Variants in TRAK1 observed in about 807,000 individuals in gnomAD.
TRAK1 encodes trafficking kinesin-binding protein 1.
A neutral mutation model predicts 92.1 loss-of-function variants in TRAK1; 33 were observed. The ratio of observed to expected loss-of-function variants is 0.36; its 90% CI spans 0.27 to 0.48. The LOEUF is 0.48. TRAK1 is among the 20% of genes least tolerant of loss of function. The pLI, the probability that TRAK1 is intolerant of heterozygous loss-of-function variation, is 0.99. For missense variants in TRAK1, 1,123 were observed against 1,257.9 expected (o/e 0.89, Z 1.62); for synonymous variants, 521 against 517.3 (o/e 1.01, Z -0.10).
rs776965179 is a variant in TRAK1 at position 42,223,049 on chromosome 3, C to T, written c.2174C>T (p.Thr725Ile). 6.2e-7 allele frequency: 1 copy of T among 1,614,134 alleles called. No individual in the cohort carries two copies. The highest frequency in any genetic ancestry group is 1.1e-5 in the South Asian group (1 of 91,088). ...PRRLSLAESF[T>I]NTRESTTTMS... Reference sequence around the variant, plus strand: ...AGACTGAGCCTGGCTGAGTCCTTCACTAACACCCGTGAGTCCACGACCACC... The same window carrying T: ...AGACTGAGCCTGGCTGAGTCCTTCATTAACACCCGTGAGTCCACGACCACC... The change falls in exon 16 of 16, where the codon ACT becomes ATT. Residue 725 changes from threonine (T) to isoleucine (I), a missense_variant. Thr to Ile is a moderately conservative substitution (Grantham distance 89). Transcript: ENST00000327628. The surrounding 1 kb of genome is among the most constrained non-coding windows in gnomAD (Gnocchi z 6.1).
chr3:42,041,018 A>T (rs1427840226), intron 1 of TRAK1, among the ~76,000 whole-genome samples: 1 of 151,498 alleles, frequency 6.6e-6, no homozygotes, highest in African/African-American at 2.4e-5. Context: ...AGGTTTTGAA[A>T]TTAGACAGTG....
At chr3:42,030,690 ATATATATATATATATATATAT>A (rs1702102304) in intron 1 of TRAK1, among the ~76,000 whole-genome samples, 1 of 166 alleles carries the variant, frequency 6.0e-3, no homozygotes, top group African/African-American at 8.9e-3. Context: ...AAAAAAAAGA[ATATATATATATATATATATAT>A]ATATATATAT....
chr3:42,027,523 A>G (rs79907496), intron 1 of TRAK1, among the ~76,000 whole-genome samples: 3 of 144,768 alleles, frequency 2.1e-5, no homozygotes, highest in Admixed American at 6.9e-5. Context: ...ACTCCATCTG[A>G]AAAAAAAAAA....
rs926205173 is a variant in TRAK1 at position 42,180,018 on chromosome 3, A to C, written c.363+3128A>C. ...GGCTCCCAAAGTGTTGGGATTACAG[A>C]CATAAGCTGCCACGCCCAACCTGTT... On this transcript the variant is annotated intron_variant, in intron 3 of 15. Transcript: ENST00000327628. Among the ~76,000 whole-genome samples, 7 of 152,154 alleles carry C rather than the reference A, an allele frequency of 4.6e-5. No individual in the cohort carries two copies. The South Asian group carries it at 1.2e-3, about 27-fold the overall frequency.
chr3:42,110,138 T>C (rs1291929320), intron 1 of TRAK1, among the ~76,000 whole-genome samples: 1 of 99,976 alleles, frequency 1.0e-5, no homozygotes, highest in Non-Finnish European at 2.1e-5. Flanking sequence ...ATATAAACTT[T>C]GTGTGTGTTG....
chr3:42,059,874 T>A (rs1703353679), intron 1 of TRAK1, among the ~76,000 whole-genome samples: 1 of 152,154 alleles, frequency 6.6e-6, no homozygotes, highest in South Asian at 2.1e-4. Context: ...ACTTCACAGA[T>A]CATTGAGGAA....
At chr3:42,080,508 C>T (rs753420290) in intron 1 of TRAK1, among the ~76,000 whole-genome samples, 1 of 152,232 alleles carries the variant, frequency 6.6e-6, no homozygotes, top group Non-Finnish European at 1.5e-5. Flanking sequence ...TCTCTCAGGG[C>T]CATGCCATCC....
At chr3:42,089,672 G>C (rs372812465), upstream of TRAK1, among the ~76,000 whole-genome samples, 1 of 108,500 alleles carries the variant, frequency 9.2e-6, no homozygotes, top group Non-Finnish European at 1.9e-5. Flanking sequence ...GATGCTTTTT[G>C]TGACCCCCCC....
intron 2 of TRAK1, among the ~76,000 whole-genome samples, chr3:42,166,777 C>T (rs1352542861): frequency 6.6e-6 from 1 of 152,170 alleles, no homozygotes; most frequent in Non-Finnish European, 1.5e-5. Context: ...TACTGATAAG[C>T]AATAAAAGGA....
intron 2 of TRAK1, among the ~76,000 whole-genome samples, chr3:42,170,668 G>A (rs1036986818): frequency 6.6e-6 from 1 of 152,100 alleles, no homozygotes; most frequent in East Asian, 1.9e-4. Flanking sequence ...CTGATGCTAA[G>A]GTGTAGAAGA....
intron 1 of TRAK1, among the ~76,000 whole-genome samples, chr3:42,024,598 T>A (rs1157656529): frequency 6.6e-6 from 1 of 152,196 alleles, no homozygotes; most frequent in Non-Finnish European, 1.5e-5. Flanking sequence ...AAGCACCATG[T>A]TTTTGTGTGT....
intron 1 of TRAK1, chr3:42,014,203 G>C (rs1386348789): frequency 6.6e-6 from 1 of 152,384 alleles, no homozygotes; most frequent in African/African-American, 2.4e-5. Context: ...GAGTGTCCGC[G>C]TGAGATAGTG....
At chr3:42,083,508 T>C (rs1704529635), upstream of TRAK1, among the ~76,000 whole-genome samples, 1 of 152,282 alleles carries the variant, frequency 6.6e-6, no homozygotes, top group South Asian at 2.1e-4. Context: ...TCTAAATATC[T>C]GCCAATTGTT....
intron 1 of TRAK1, among the ~76,000 whole-genome samples, chr3:42,081,335 C>G (rs1704428926): frequency 6.6e-6 from 1 of 152,180 alleles, no homozygotes; most frequent in Non-Finnish European, 1.5e-5. Flanking sequence ...TCAAGGTTAG[C>G]AGTGTGAAAT....
At chr3:42,124,836 A>C (rs1219442955) in intron 1 of TRAK1, among the ~76,000 whole-genome samples, 2 of 152,220 alleles carry the variant, frequency 1.3e-5, no homozygotes, top group African/African-American at 4.8e-5. Context: ...TGATTGCTGG[A>C]TGCCCCATAA....
At chr3:42,222,760 G>A (rs35690445) in intron 15 of TRAK1, among the ~76,000 whole-genome samples, 182 bp from the exon 16 acceptor site, 4,909 of 152,252 alleles carry the variant, frequency 0.032, 178 homozygotes, top group East Asian at 0.093. Flanking sequence ...CTTAAACCAT[G>A]CTTCCCTTGA....
chr3:42,102,071 C>T (rs546583397), intron 1 of TRAK1, among the ~76,000 whole-genome samples: 9 of 152,300 alleles, frequency 5.9e-5, no homozygotes, highest in East Asian at 1.9e-4. Context: ...CTGCAACTTC[C>T]GCCTCCCAGG....
At chr3:42,035,990 C>T (rs1039466478) in intron 1 of TRAK1, among the ~76,000 whole-genome samples, 5 of 152,226 alleles carry the variant, frequency 3.3e-5, no homozygotes, top group African/African-American at 1.2e-4. Context: ...GTCAGACCTA[C>T]GGTTGGCCTG....
intron 2 of TRAK1, among the ~76,000 whole-genome samples, chr3:42,163,572 A>G (rs934622555): frequency 4.4e-5 from 5 of 112,932 alleles, no homozygotes; most frequent in African/African-American, 1.7e-4. Context: ...CATCTCAAAG[A>G]AAAAAAAAAA....
Sources: gnomAD v4.1 joint callset for allele counts (sites outside exome capture counted in the v4.1 genomes callset) on GRCh38, gnomAD v4.1.1 for gene constraint, Gnocchi (gnomAD v3.1) non-coding constraint, MANE v1.5 for transcripts, NCBI Gene and HGNC (gene_info 2026-07-23, HGNC 2026-07-21) for gene names.